The following MOB3B variants were observed in gnomAD, a reference collection of about 807,000 sequenced individuals.
The protein encoded by MOB3B is MOB kinase activator-like 2B.
In MOB3B, 7 loss-of-function variants were observed where a neutral mutation model predicts 18.7. The observed-to-expected ratio is 0.37, with a 90% CI of 0.21 to 0.70. The LOEUF (loss-of-function observed/expected upper bound fraction) is 0.70, where lower values mean the gene tolerates loss of function less well. MOB3B is among the 30% of genes least tolerant of loss of function. The pLI is 0.52. For synonymous variants in MOB3B, 111 were observed against 99.9 expected, an observed-to-expected ratio of 1.11 and a Z score of -0.66; for missense variants, 253 against 281.3, an observed-to-expected ratio of 0.90 and a Z score of 0.72.
chr9:27,339,637 T>C (rs140707117), intron 3 of MOB3B, among the ~76,000 whole-genome samples: 11 of 152,396 alleles, frequency 7.2e-5, no homozygotes, highest in African/African-American at 2.4e-4. Context: ...AGAGGGGTAA[T>C]GGAGGTTAAG....
intron 1 of MOB3B, among the ~76,000 whole-genome samples, chr9:27,506,536 T>C (rs982221289): frequency 6.1e-4 from 2 of 3,284 alleles, no homozygotes; most frequent in Non-Finnish European, 0.013. Context: ...TTATTTAATC[T>C]TTTTTTTTTT....
chr9:27,481,581 A>C (rs1026858461), intron 1 of MOB3B, among the ~76,000 whole-genome samples: 6 of 145,518 alleles, frequency 4.1e-5, no homozygotes, highest in African/African-American at 1.5e-4. Context: ...GCAGGAGTAC[A>C]GTGGCGTGAT....
chr9:27,473,258 G>A (rs1587240941), intron 1 of MOB3B, among the ~76,000 whole-genome samples: 1 of 152,190 alleles, frequency 6.6e-6, no homozygotes, highest in Non-Finnish European at 1.5e-5. Flanking sequence ...TAAAGTACAC[G>A]TTTTTCTCAT....
intron 2 of MOB3B, among the ~76,000 whole-genome samples, chr9:27,441,764 A>G (rs547956111): frequency 1.3e-5 from 2 of 152,180 alleles, no homozygotes; most frequent in Non-Finnish European, 2.9e-5. Flanking sequence ...TCGTAATGCA[A>G]TTGTCGCTTG....
chr9:27,451,682 G>A lies in MOB3B; in HGVS notation c.418+3451C>T, dbSNP rs149587432. 2.2e-4 allele frequency among the ~76,000 whole-genome samples: 34 copies of A among 152,288 alleles called. No individual in the cohort carries two copies. In the East Asian group the frequency reaches 6.4e-3, roughly 29 times the overall value. ...CAATTCCCAAGCAGAAATATGCCCA[G>A]TATTCAAAGCTGTAATTCTAAGCAG... On this transcript the variant is annotated intron_variant, in intron 2 of 3. Transcript: ENST00000262244.
intron 2 of MOB3B, among the ~76,000 whole-genome samples, chr9:27,365,495 A>AT (rs1821331592): frequency 6.6e-6 from 1 of 151,782 alleles, no homozygotes; most frequent in Non-Finnish European, 1.5e-5. Flanking sequence ...TTGGAGTTAG[A>AT]TTTTGACTAG....
intron 1 of MOB3B, among the ~76,000 whole-genome samples, chr9:27,529,205 G>A (rs2131514471): frequency 6.6e-6 from 1 of 152,338 alleles, no homozygotes; most frequent in South Asian, 2.1e-4. Flanking sequence ...CCGCGGCTGG[G>A]GATGGGCTCG....
intron 3 of MOB3B, among the ~76,000 whole-genome samples, chr9:27,341,117 G>C (rs1024994884): frequency 3.3e-5 from 5 of 152,214 alleles, no homozygotes; most frequent in African/African-American, 1.2e-4. Context: ...CTTTCTATCA[G>C]GAGTGGGAGG....
At chr9:27,467,057 GAT>G (rs1819395168) in intron 1 of MOB3B, among the ~76,000 whole-genome samples, 1 of 152,108 alleles carries the variant, frequency 6.6e-6, no homozygotes, top group Non-Finnish European at 1.5e-5. Flanking sequence ...GTAACCCTGA[GAT>G]AAAATTGAGA....
At chr9:27,504,032 A>G (rs1163641892) in intron 1 of MOB3B, among the ~76,000 whole-genome samples, 1 of 152,148 alleles carries the variant, frequency 6.6e-6, no homozygotes, top group Non-Finnish European at 1.5e-5. Flanking sequence ...TGAACCTCCT[A>G]CTTGCAAATC....
intron 3 of MOB3B, among the ~76,000 whole-genome samples, chr9:27,333,923 A>G (rs1820825732): frequency 6.6e-6 from 1 of 151,950 alleles, no homozygotes; most frequent in African/African-American, 2.4e-5. Flanking sequence ...CAGGTCTCCA[A>G]CTGGCCAGTT....
At chr9:27,334,408 A>T (rs1324973256) in intron 3 of MOB3B, among the ~76,000 whole-genome samples, 1 of 152,216 alleles carries the variant, frequency 6.6e-6, no homozygotes, top group Non-Finnish European at 1.5e-5. Flanking sequence ...CCAATCTGAA[A>T]TCATATTTCA....
chr9:27,369,598 A>C (rs1373396083), intron 2 of MOB3B, among the ~76,000 whole-genome samples: 1 of 152,256 alleles, frequency 6.6e-6, no homozygotes, highest in East Asian at 1.9e-4. Context: ...GCTATTTAAC[A>C]TGCAGGCAAG....
chr9:27,517,580 G>A (rs545262410), intron 1 of MOB3B, among the ~76,000 whole-genome samples: 7 of 145,334 alleles, frequency 4.8e-5, no homozygotes, highest in South Asian at 2.2e-4. Context: ...CCCGGGAGAC[G>A]GAGGTTGCAG....
chr9:27,390,404 GT>G, intron 2 of MOB3B, among the ~76,000 whole-genome samples: 1 of 152,310 alleles, frequency 6.6e-6, no homozygotes, highest in Non-Finnish European at 1.5e-5. Context: ...GTTTTGCCAT[GT>G]TGACCAGGTT....
At chr9:27,362,053 C>T (rs1185436321) in intron 2 of MOB3B, among the ~76,000 whole-genome samples, 4 of 152,132 alleles carry the variant, frequency 2.6e-5, no homozygotes, top group African/African-American at 9.7e-5. Context: ...ATTGCTGGCC[C>T]CTTTTAGACT....
At position 27,418,091 on chromosome 9, in the gene MOB3B, C is replaced by CAAAAA. The variant is rs57850999; in HGVS notation, c.418+37037_418+37041dup. Among the ~76,000 whole-genome samples the CAAAAA allele has an allele frequency of 3.0e-3, 130 of 43,990 alleles. 11 individuals are homozygous for CAAAAA. Among genetic ancestry groups the CAAAAA allele is most frequent in the East Asian group, 0.013 (15 of 1,114 alleles). 28.9% of individuals were successfully genotyped at this position (43,990 alleles called of 152,430 possible). ...TGGGAGACAGGGTGAGACTCCACCT[C>CAAAAA]AAAAAAAAAAAAAAAAAAAAAGTAA... On this transcript the variant is annotated intron_variant, in intron 2 of 3. Transcript: ENST00000262244.
At chr9:27,389,796 T>C (rs12340021) in intron 2 of MOB3B, among the ~76,000 whole-genome samples, 8,113 of 152,152 alleles carry the variant, frequency 0.053, 380 homozygotes, top group African/African-American at 0.13. Context: ...TTTAGTCTAG[T>C]GCAGAAAGAG....
intron 2 of MOB3B, among the ~76,000 whole-genome samples, chr9:27,447,022 A>G (rs1401938067): frequency 1.3e-5 from 2 of 151,912 alleles, no homozygotes; most frequent in African/African-American, 2.4e-5. Context: ...TTTTTAAGAT[A>G]TAACACCCAA....
Sources: gnomAD v4.1 joint callset for allele counts (sites outside exome capture counted in the v4.1 genomes callset) on GRCh38, gnomAD v4.1.1 for gene constraint, MANE v1.5 for transcripts, NCBI Gene and HGNC (gene_info 2026-07-23, HGNC 2026-07-21) for gene names.